The following WARS1 variants were observed in gnomAD, a reference collection of about 807,000 sequenced individuals.
The protein encoded by WARS1 is tryptophanyl-tRNA synthetase 1, also known as tryptophan--tRNA ligase, cytoplasmic.
A neutral mutation model predicts 47.8 loss-of-function variants in WARS1; 17 were observed. The ratio of observed to expected loss-of-function variants is 0.36; its 90% confidence interval spans 0.24 to 0.53. The LOEUF is 0.53. Among genes scored for constraint, WARS1 ranks in the 20% least tolerant of loss-of-function variants. WARS1 has a pLI of 0.91. For synonymous variants in WARS1, 208 were observed against 228.1 expected (o/e 0.91, Z 0.79); for missense variants, 434 against 608.0 (o/e 0.71, Z 3.01).
At chr14:100,370,239 T>C (rs1451095518) in intron 1 of WARS1, 1 of 152,194 alleles carries the variant, frequency 6.6e-6, no homozygotes, top group African/African-American at 2.4e-5. Flanking sequence ...ATTATAACCC[T>C]TGCAGGAAGT....
chr14:100,368,575 C>A, intron 2 of WARS1: 1 of 438,448 alleles, frequency 2.3e-6, no homozygotes, highest in Non-Finnish European at 4.6e-6. Flanking sequence ...GAGAGGTGGG[C>A]TGGAGGGCCA....
intron 9 of WARS1, chr14:100,339,879 A>T (rs1379074495): frequency 6.6e-6 from 1 of 152,200 alleles, no homozygotes; most frequent in Non-Finnish European, 1.5e-5. Flanking sequence ...GAGAACAAGG[A>T]AACTGGTGTC....
chr14:100,350,202 GC>G (rs1274899932), intron 6 of WARS1, among the ~76,000 whole-genome samples: 3 of 151,626 alleles, frequency 2.0e-5, no homozygotes, highest in African/African-American at 7.3e-5. Context: ...GACCAGCCTG[GC>G]CAACATGGTG....
In WARS1 at chr14:100,334,718, G is replaced by C; in HGVS notation, c.*157C>G. 1 of 761,522 alleles carries C rather than the reference G, an allele frequency of 1.3e-6. No individual in the cohort carries two copies. Among genetic ancestry groups the C allele is most frequent in the Non-Finnish European group, 2.0e-6 (1 of 488,244 alleles). 47.2% of individuals were successfully genotyped at this position (761,522 alleles called of 1,614,324 possible). ...GAGATAGAAATAATGGAACTCACAG[G>C]AAGAAACAGTATTGATAACATACAC... is the stretch of plus-strand genomic sequence containing the variant. On this transcript the variant is annotated 3_prime_UTR_variant, in exon 11 of 11. Coordinates refer to ENST00000392882, the MANE Select transcript of WARS1 (RefSeq NM_004184.4).
chr14:100,344,192 C>T (rs192415434), intron 7 of WARS1, among the ~76,000 whole-genome samples: 1 of 151,936 alleles, frequency 6.6e-6, no homozygotes, highest in African/African-American at 2.4e-5. Flanking sequence ...GCCTCATTCT[C>T]CTGCCTCAGC....
chr14:100,351,760 G>A (rs139456804), intron 6 of WARS1, among the ~76,000 whole-genome samples: 247 of 152,210 alleles, frequency 1.6e-3, no homozygotes, highest in African/African-American at 5.8e-3. Context: ...TTGGGAGGCC[G>A]AGGCAGGCAG....
At chr14:100,336,824 G>T in intron 10 of WARS1, 1 of 459,596 alleles carries the variant, frequency 2.2e-6, no homozygotes. Flanking sequence ...AATAAAGCAA[G>T]ACTGTTTTGG....
chr14:100,366,580 A>C, intron 2 of WARS1: 1 of 654,614 alleles, frequency 1.5e-6, no homozygotes. Flanking sequence ...TTAAGATCTC[A>C]GAGAGAGAGA....
intron 7 of WARS1, among the ~76,000 whole-genome samples, chr14:100,345,137 C>G (rs1894504173): frequency 6.7e-6 from 1 of 148,618 alleles, no homozygotes; most frequent in African/African-American, 2.5e-5. Flanking sequence ...AGTGAGGAGC[C>G]CCTCTGCCCG....
At chr14:100,350,582 C>A (rs1894914860) in intron 6 of WARS1, among the ~76,000 whole-genome samples, 1 of 152,044 alleles carries the variant, frequency 6.6e-6, no homozygotes, top group Non-Finnish European at 1.5e-5. Context: ...GTTCATCTAC[C>A]CCATCGTGCA....
intron 2 of WARS1, among the ~76,000 whole-genome samples, chr14:100,366,414 C>T (rs565078785): frequency 1.8e-4 from 27 of 152,328 alleles, no homozygotes; most frequent in African/African-American, 5.8e-4. Context: ...AGAGTGCATC[C>T]AGCAGCTTTC....
chr14:100,367,090 A>G (rs1431746455), intron 2 of WARS1, among the ~76,000 whole-genome samples: 1 of 152,142 alleles, frequency 6.6e-6, no homozygotes, highest in Non-Finnish European at 1.5e-5. Flanking sequence ...TACTGTACCT[A>G]TGAGTCAGGG....
intron 6 of WARS1, chr14:100,352,830 T>C (rs1314419809): frequency 2.0e-5 from 3 of 152,208 alleles, no homozygotes; most frequent in Non-Finnish European, 4.4e-5. Flanking sequence ...TTGACCAAAG[T>C]CTTATTTTTC....
intron 1 of WARS1, chr14:100,370,652 T>C (rs1479560433): frequency 3.9e-5 from 6 of 152,074 alleles, no homozygotes; most frequent in Non-Finnish European, 8.8e-5. Context: ...TCCTATGAAA[T>C]AGATTTGTAA....
At chr14:100,351,992 C>T (rs111245176) in intron 6 of WARS1, among the ~76,000 whole-genome samples, 4,582 of 59,754 alleles carry the variant, frequency 0.077, 106 homozygotes, top group East Asian at 0.24. Context: ...GACTCCGTCT[C>T]AAAAAAAAAA....
At chr14:100,354,375 C>G in intron 5 of WARS1, 72 bp downstream of exon 5, 1 of 1,567,686 alleles carries the variant, frequency 6.4e-7, no homozygotes. Flanking sequence ...CTTGTCAGTT[C>G]TAAACATGGT....
chr14:100,362,860 C>T (rs1895739687), intron 2 of WARS1, among the ~76,000 whole-genome samples: 1 of 152,216 alleles, frequency 6.6e-6, no homozygotes, highest in Non-Finnish European at 1.5e-5. Context: ...TAAACACCAA[C>T]CTCCATTCAG....
chr14:100,360,282 T>C (rs994223757), intron 4 of WARS1, among the ~76,000 whole-genome samples: 4 of 152,232 alleles, frequency 2.6e-5, no homozygotes, highest in Admixed American at 2.6e-4. Context: ...CTTTACAGCC[T>C]GTAATCTGGG....
rs773270850 is a variant in WARS1, at chr14:100,335,009, C to G, written c.1282G>C (p.Gly428Arg). The G allele has an allele frequency of 3.1e-6, 5 of 1,613,910 alleles. No individual in the cohort carries two copies. Among genetic ancestry groups the G allele is most frequent in the African/African-American group, 2.7e-5 (2 of 74,924 alleles). Residue 428 changes from glycine to arginine, a missense_variant, in exon 11 of 11, where the codon GGT (glycine) becomes CGT (arginine). Gly to Arg is a moderately radical substitution (Grantham distance 125). This residue lies in a region of WARS1 where 347 missense variants were observed against 523.8 expected (regional missense o/e 0.66). Transcript: ENST00000392882. ...TCTATGAGTGCCTTCTTGAGCTCAC[C>G]GGTGAGCATGGCTCCGCTGGTGTAA... ...KDYTSGAMLT[G>R]ELKKALIEVL... is the part of the protein sequence containing the mutation.
Sources: gnomAD v4.1 joint callset for allele counts (sites outside exome capture counted in the v4.1 genomes callset) on GRCh38, gnomAD v4.1.1 for gene constraint, gnomAD v4.1.1 regional missense constraint, MANE v1.5 for transcripts, NCBI Gene and HGNC (gene_info 2026-07-23, HGNC 2026-07-21) for gene names.